PDE4D: variants seen among roughly 807,000 people sequenced by gnomAD.
PDE4D encodes 3',5'-cyclic-AMP phosphodiesterase 4D.
A neutral mutation model predicts 87.4 loss-of-function variants in PDE4D; 24 were observed. That is an observed-to-expected ratio of 0.27 (90% CI 0.20 to 0.39). The LOEUF (loss-of-function observed/expected upper bound fraction) is 0.39, where lower values mean the gene tolerates loss of function less well. Ranked by LOEUF, PDE4D falls within the 10% of genes least tolerant of loss-of-function variation. The pLI, the probability that PDE4D is intolerant of heterozygous loss-of-function variation, is 1.00. For missense variants in PDE4D, 714 were observed against 1,041.0 expected, an observed-to-expected ratio of 0.69 and a Z score of 4.32; for synonymous variants, 384 against 383.2, an observed-to-expected ratio of 1.00 and a Z score of -0.02.
chr5:59,922,776 C>G (rs1219733534), intron 3 of PDE4D, among the ~76,000 whole-genome samples: 2 of 151,826 alleles, frequency 1.3e-5, no homozygotes, highest in Non-Finnish European at 2.9e-5. Context: ...CAGAACATTC[C>G]CAGCTGTAGT....
intron 3 of PDE4D, among the ~76,000 whole-genome samples, chr5:59,954,998 G>A (rs1210097629): frequency 6.6e-6 from 1 of 152,030 alleles, no homozygotes; most frequent in African/African-American, 2.4e-5. Context: ...AATTGCTAAA[G>A]TTTAAAACAA....
intron 1 of PDE4D, among the ~76,000 whole-genome samples, chr5:59,385,413 A>C (rs907471432): frequency 2.6e-5 from 4 of 152,168 alleles, no homozygotes; most frequent in African/African-American, 9.7e-5. Context: ...TCTATGTTGA[A>C]ATGTAAATTC....
intron 2 of PDE4D, among the ~76,000 whole-genome samples, chr5:60,098,434 C>A (rs1333421452): frequency 1.3e-5 from 2 of 151,664 alleles, no homozygotes. Flanking sequence ...TGTTTTCATT[C>A]GTGTATTTTT....
chr5:60,006,013 A>T (rs1040451213), intron 2 of PDE4D, among the ~76,000 whole-genome samples: 5 of 151,982 alleles, frequency 3.3e-5, no homozygotes, highest in South Asian at 2.1e-4. Flanking sequence ...TTATTAGGAA[A>T]TTTTTTAGGA....
chr5:59,169,685 A>G (rs1010570213), intron 5 of PDE4D, among the ~76,000 whole-genome samples: 3 of 152,156 alleles, frequency 2.0e-5, no homozygotes, highest in African/African-American at 7.2e-5. Context: ...ACTTTCCAGA[A>G]AGACAGGTAT....
intron 2 of PDE4D, among the ~76,000 whole-genome samples, chr5:60,177,982 A>T (rs1476924444): frequency 6.6e-6 from 1 of 152,212 alleles, no homozygotes; most frequent in Non-Finnish European, 1.5e-5. Flanking sequence ...AATTATATAC[A>T]CATTTATAAA....
chr5:59,087,635 T>C (rs986900402), intron 5 of PDE4D, among the ~76,000 whole-genome samples: 1 of 152,184 alleles, frequency 6.6e-6, no homozygotes, highest in African/African-American at 2.4e-5. Context: ...CTTTAAAAAA[T>C]ATTCCAAGCT....
intron 1 of PDE4D, among the ~76,000 whole-genome samples, chr5:59,325,722 G>A (rs920458153): frequency 8.5e-5 from 13 of 152,228 alleles, no homozygotes; most frequent in African/African-American, 3.1e-4. Flanking sequence ...GGTAGAACTT[G>A]TATGTAGAAT....
chr5:59,099,127 C>T (rs1770293226), intron 5 of PDE4D, among the ~76,000 whole-genome samples: 1 of 152,182 alleles, frequency 6.6e-6, no homozygotes, highest in Admixed American at 6.5e-5. Context: ...ATTCAGTCAG[C>T]ACCAGCAGTC....
intron 1 of PDE4D, among the ~76,000 whole-genome samples, chr5:60,260,483 A>C (rs566452236): frequency 2.6e-5 from 4 of 152,242 alleles, no homozygotes; most frequent in African/African-American, 9.6e-5. Context: ...AAGAGTAGGC[A>C]AAAAATATGA....
chr5:59,216,276 G>A (rs577896461), intron 1 of PDE4D, among the ~76,000 whole-genome samples: 3 of 152,136 alleles, frequency 2.0e-5, no homozygotes, highest in Admixed American at 6.5e-5. Flanking sequence ...AATTCCTTTC[G>A]GAAAATAACA....
intron 11 of PDE4D, among the ~76,000 whole-genome samples, chr5:58,981,106 G>T (rs1382135093): frequency 1.3e-5 from 2 of 152,098 alleles, no homozygotes; most frequent in African/African-American, 2.4e-5. Flanking sequence ...CAATTCAAAT[G>T]CTAATCTAAT....
chr5:59,662,901 A>G (rs190458932), intron 1 of PDE4D, among the ~76,000 whole-genome samples: 102 of 152,316 alleles, frequency 6.7e-4, no homozygotes, highest in Admixed American at 1.4e-3. Flanking sequence ...ATTCTACTCA[A>G]ACCTTTGACA....
chr5:60,066,617 A>ATCG (rs1473141358), intron 2 of PDE4D, among the ~76,000 whole-genome samples: 3 of 151,272 alleles, frequency 2.0e-5, no homozygotes, highest in Non-Finnish European at 4.4e-5. Context: ...CATCATCATC[A>ATCG]TCATCATCAT....
At chr5:59,526,341 C>G (rs1383989129) in intron 1 of PDE4D, among the ~76,000 whole-genome samples, 1 of 152,128 alleles carries the variant, frequency 6.6e-6, no homozygotes, top group Non-Finnish European at 1.5e-5. Context: ...ACTAAGGGAC[C>G]ATGAAGGGGG....
intron 1 of PDE4D, among the ~76,000 whole-genome samples, chr5:59,676,455 T>C (rs1748097890): frequency 2.0e-5 from 3 of 152,214 alleles, no homozygotes; most frequent in Non-Finnish European, 4.4e-5. Context: ...CAGTCAACTT[T>C]TGTTTTATGA....
chr5:59,090,811 T>C (rs976234310), intron 5 of PDE4D, among the ~76,000 whole-genome samples: 3 of 143,518 alleles, frequency 2.1e-5, no homozygotes, highest in Non-Finnish European at 3.0e-5. Flanking sequence ...CTTTTTCTTT[T>C]TTTTTTTTTT....
upstream of PDE4D, chr5:59,893,801 C>A: frequency 1.5e-6 from 2 of 1,330,960 alleles, no homozygotes; most frequent in East Asian, 3.2e-5. Context: ...GGGGGCCCTG[C>A]CAGCGGGAGG....
intron 1 of PDE4D, among the ~76,000 whole-genome samples, chr5:60,502,329 T>C (rs1409106802): frequency 3.3e-5 from 5 of 152,340 alleles, no homozygotes; most frequent in African/African-American, 1.2e-4. Flanking sequence ...GTGGCATTAT[T>C]TCTGAGGGCT....
Sources: gnomAD v4.1 joint callset for allele counts (sites outside exome capture counted in the v4.1 genomes callset) on GRCh38, gnomAD v4.1.1 for gene constraint, MANE v1.5 for transcripts, NCBI Gene and HGNC (gene_info 2026-07-23, HGNC 2026-07-21) for gene names.